Variants in IPO11 observed in about 807,000 individuals in gnomAD.
IPO11 encodes importin-11.
IPO11 carries 66 observed loss-of-function variants against 143.2 expected under a neutral mutation model. That is an observed-to-expected ratio of 0.46 (90% CI 0.38 to 0.57). The LOEUF (loss-of-function observed/expected upper bound fraction) is 0.57, where lower values mean the gene tolerates loss of function less well. IPO11 is among the 20% of genes least tolerant of loss of function. The pLI, the probability that IPO11 is intolerant of heterozygous loss-of-function variation, is 0.00. For synonymous variants in IPO11, 385 were observed against 377.8 expected, an observed-to-expected ratio of 1.02 and a Z score of -0.22; for missense variants, 1,026 against 1,141.0, an observed-to-expected ratio of 0.90 and a Z score of 1.45.
intron 7 of IPO11, among the ~76,000 whole-genome samples, chr5:62,470,696 C>G (rs1745731734): frequency 6.6e-6 from 1 of 150,376 alleles, no homozygotes; most frequent in Admixed American, 6.6e-5. Context: ...TCTGTCTGAT[C>G]ATTACATTAA....
intron 27 of IPO11, chr5:62,580,092 A>G (rs1279024730): frequency 1.3e-6 from 2 of 1,551,024 alleles, no homozygotes; most frequent in East Asian, 4.9e-5. Flanking sequence ...ATTTAACAAA[A>G]GTACCATCAA....
At chr5:62,620,239 G>A (rs1300310902) in intron 29 of IPO11, among the ~76,000 whole-genome samples, 2 of 152,102 alleles carry the variant, frequency 1.3e-5, no homozygotes, top group Admixed American at 1.3e-4. Flanking sequence ...GAAATACAGG[G>A]CTGGGCGCGA....
chr5:62,581,957 C>T (rs1241988158), intron 27 of IPO11, among the ~76,000 whole-genome samples: 1 of 152,084 alleles, frequency 6.6e-6, no homozygotes, highest in East Asian at 1.9e-4. Context: ...TGAGTAACAT[C>T]GTGTCAGAGG....
At chr5:62,426,788 T>G (rs1052857918) in intron 1 of IPO11, among the ~76,000 whole-genome samples, 7 of 149,166 alleles carry the variant, frequency 4.7e-5, no homozygotes, top group Non-Finnish European at 1.0e-4. Context: ...TATAGTATTA[T>G]ATATATATTT....
Position 62,536,744 on chromosome 5 carries a change from A to G in IPO11, c.2132A>G (p.Asn711Ser), listed in dbSNP as rs768110774. The change falls in exon 23 of 30, where the codon AAT becomes AGT. Residue 711 changes from asparagine to serine, a missense_variant. Transcript: ENST00000325324. ...ENLRTCFKII[N>S]GYIFLSSTEF... ...CTTAGAACTTGCTTTAAGATCATCAATGGTTATATCTTTTTATCATCAACA... is the reference window on the plus strand; with the variant it reads ...CTTAGAACTTGCTTTAAGATCATCAGTGGTTATATCTTTTTATCATCAACA... 5 of 1,576,872 alleles carry G rather than the reference A, an allele frequency of 3.2e-6. No homozygotes were observed. The highest frequency in any genetic ancestry group is 1.7e-4 in the Middle Eastern group (1 of 5,952).
At chr5:62,418,341 T>C (rs891395255) in intron 1 of IPO11, among the ~76,000 whole-genome samples, 2 of 152,098 alleles carry the variant, frequency 1.3e-5, no homozygotes, top group African/African-American at 2.4e-5. Flanking sequence ...AATTTTGTAT[T>C]TTTAGTAGAG....
chr5:62,552,092 C>T (rs1743407940), intron 26 of IPO11, among the ~76,000 whole-genome samples: 1 of 151,864 alleles, frequency 6.6e-6, no homozygotes, highest in South Asian at 2.1e-4. Flanking sequence ...CCACTGCACT[C>T]CAGCCTGGGC....
chr5:62,435,505 G>A (rs1006322219), intron 1 of IPO11, among the ~76,000 whole-genome samples: 21 of 151,968 alleles, frequency 1.4e-4, no homozygotes, highest in Non-Finnish European at 7.4e-5. Flanking sequence ...GGCTGAGGTG[G>A]AAAGATCACT....
At chr5:62,553,239 T>C (rs898262150) in intron 26 of IPO11, among the ~76,000 whole-genome samples, 9 of 152,206 alleles carry the variant, frequency 5.9e-5, no homozygotes, top group Admixed American at 3.3e-4. Flanking sequence ...CTTATTTCAC[T>C]TAACATAAGG....
At chr5:62,580,744 A>C (rs1580348562) in intron 27 of IPO11, 1 of 1,551,494 alleles carries the variant, frequency 6.4e-7, no homozygotes, top group East Asian at 2.4e-5. Flanking sequence ...GGCCTGGCAT[A>C]AAGTAACCAC....
Position 62,476,725 on chromosome 5 carries a change from A to C in IPO11, c.800A>C (p.Glu267Ala). 1 of 1,521,358 alleles carries C rather than the reference A, an allele frequency of 6.6e-7. No homozygotes were observed. Among genetic ancestry groups the C allele is most frequent in the Admixed American group, 2.2e-5 (1 of 45,116 alleles). The allele number at this position is 1,521,358 out of a possible 1,614,324, so 94.2% of individuals were successfully genotyped here. The change falls in exon 9 of 30, where the codon GAA becomes GCA. Residue 267 changes from glutamate to alanine, a missense_variant. Glu to Ala is a moderately radical substitution (Grantham distance 107). Transcript: ENST00000325324. Reference sequence around the variant, plus strand: ...GATAATGTGTGTAGAGATAGACTGGAAAAGACCATCATTCTTTTTACTAAA... The same window carrying C: ...GATAATGTGTGTAGAGATAGACTGGCAAAGACCATCATTCTTTTTACTAAA... ...GTDNVCRDRL[E>A]KTIILFTKVL...
chr5:62,420,836 C>T (rs1743490649), intron 1 of IPO11, among the ~76,000 whole-genome samples: 1 of 152,184 alleles, frequency 6.6e-6, no homozygotes, highest in African/African-American at 2.4e-5. Flanking sequence ...CCCGCCTCAG[C>T]CTTCCAAAGT....
chr5:62,420,048 C>T (rs575554351), intron 1 of IPO11, among the ~76,000 whole-genome samples: 1 of 151,774 alleles, frequency 6.6e-6, no homozygotes, highest in African/African-American at 2.4e-5. Context: ...CTTAGCACTT[C>T]GGGAGGCCAA....
intron 28 of IPO11, among the ~76,000 whole-genome samples, chr5:62,600,164 C>G (rs1469655687): frequency 1.3e-5 from 2 of 152,232 alleles, no homozygotes; most frequent in Non-Finnish European, 2.9e-5. Flanking sequence ...CTCAGCCTGC[C>G]AAGTAGCTGA....
intron 12 of IPO11, among the ~76,000 whole-genome samples, chr5:62,487,394 CA>C (rs574848442): frequency 7.7e-5 from 11 of 142,492 alleles, no homozygotes; most frequent in South Asian, 2.2e-4. Context: ...GACTGTGTCT[CA>C]AAAAAAAAAG....
chr5:62,618,494 T>A (rs1294060703), intron 29 of IPO11, among the ~76,000 whole-genome samples: 2 of 152,140 alleles, frequency 1.3e-5, no homozygotes, highest in African/African-American at 4.8e-5. Flanking sequence ...CTAAAATTGA[T>A]GAATAAGTAT....
intron 8 of IPO11, among the ~76,000 whole-genome samples, chr5:62,474,773 G>C (rs1219463245): frequency 6.6e-6 from 1 of 152,252 alleles, no homozygotes; most frequent in African/African-American, 2.4e-5. Context: ...TACAGCGGAT[G>C]CCTGAAACCA....
intron 9 of IPO11, among the ~76,000 whole-genome samples, chr5:62,480,337 T>C (rs1381511761): frequency 6.6e-6 from 1 of 152,246 alleles, no homozygotes; most frequent in African/African-American, 2.4e-5. Flanking sequence ...TTTTGGTTAC[T>C]GTAGCCTTGT....
chr5:62,419,063 A>G lies in IPO11; in HGVS notation c.-7+6134A>G, dbSNP rs184510528. Reference sequence around the variant, plus strand: ...GGCTATGTGGTATATAGCTTATTGTATCTAGGCTATAAGCCTGTACAGCAT... The same window carrying G: ...GGCTATGTGGTATATAGCTTATTGTGTCTAGGCTATAAGCCTGTACAGCAT... On this transcript the variant is annotated intron_variant, in intron 1 of 29. Coordinates refer to ENST00000325324, the MANE Select transcript of IPO11 (RefSeq NM_016338.5). 46 of 1,551,292 alleles carry G rather than the reference A, an allele frequency of 3.0e-5. No individual in the cohort carries two copies. The Admixed American group carries it at 4.7e-4, about 16-fold the overall frequency.
Sources: gnomAD v4.1 joint callset for allele counts (sites outside exome capture counted in the v4.1 genomes callset) on GRCh38, gnomAD v4.1.1 for gene constraint, MANE v1.5 for transcripts, NCBI Gene and HGNC (gene_info 2026-07-23, HGNC 2026-07-21) for gene names.